Variants in HIVEP3 observed in about 807,000 individuals in gnomAD.
The protein encoded by HIVEP3 is transcription factor HIVEP3.
Under a neutral mutation model 152.8 loss-of-function variants are expected in HIVEP3, and 49 were observed. That is an observed-to-expected ratio of 0.32 (90% CI 0.26 to 0.41). The LOEUF (loss-of-function observed/expected upper bound fraction) is 0.41. Ranked by LOEUF, HIVEP3 falls within the 10% of genes least tolerant of loss-of-function variation. The pLI is 1.00. For missense variants in HIVEP3, 2,790 were observed against 3,103.3 expected (o/e 0.90, Z 2.40); for synonymous variants, 1,269 against 1,289.0 (o/e 0.98, Z 0.33).
At chr1:41,531,220 G>A (rs1038927401) in intron 5 of HIVEP3, among the ~76,000 whole-genome samples, 1 of 150,026 alleles carries the variant, frequency 6.7e-6, no homozygotes, top group Admixed American at 6.6e-5. Context: ...GAGGACAGGA[G>A]AGAAGGGAGA....
chr1:41,659,015 C>G (rs929524142), intron 2 of HIVEP3, among the ~76,000 whole-genome samples: 3 of 152,186 alleles, frequency 2.0e-5, no homozygotes, highest in Non-Finnish European at 4.4e-5. Flanking sequence ...GCCCAGGATG[C>G]ACTGTTGGGC....
At chr1:41,870,546 T>C (rs982124996) in intron 1 of HIVEP3, among the ~76,000 whole-genome samples, 1 of 152,368 alleles carries the variant, frequency 6.6e-6, no homozygotes, top group Non-Finnish European at 1.5e-5. Flanking sequence ...TACAAATGAA[T>C]GAATTAAAGC....
chr1:41,855,613 A>T (rs1643744083), intron 1 of HIVEP3, among the ~76,000 whole-genome samples: 1 of 152,080 alleles, frequency 6.6e-6, no homozygotes, highest in Non-Finnish European at 1.5e-5. Flanking sequence ...GAATTCCCTA[A>T]CTCTTGAAGT....
intron 1 of HIVEP3, among the ~76,000 whole-genome samples, chr1:41,779,482 A>G (rs1424546505): frequency 6.6e-6 from 1 of 152,226 alleles, no homozygotes; most frequent in Non-Finnish European, 1.5e-5. Flanking sequence ...AGGTGACAGA[A>G]GCCCCTTCTT....
At chr1:41,892,058 T>G (rs528241608) in intron 1 of HIVEP3, among the ~76,000 whole-genome samples, 5 of 152,270 alleles carry the variant, frequency 3.3e-5, no homozygotes, top group Non-Finnish European at 5.9e-5. Flanking sequence ...ATAGCTTGCA[T>G]CAAAACAAGA....
At chr1:41,986,317 A>C (rs940833095) in intron 1 of HIVEP3, among the ~76,000 whole-genome samples, 6 of 152,236 alleles carry the variant, frequency 3.9e-5, no homozygotes, top group African/African-American at 9.6e-5. Context: ...TATTTTACCA[A>C]AACATTATCA....
At chr1:41,911,822 C>T (rs1267617049) in intron 1 of HIVEP3, among the ~76,000 whole-genome samples, 2 of 152,120 alleles carry the variant, frequency 1.3e-5, no homozygotes, top group African/African-American at 4.8e-5. Flanking sequence ...GCCCTAGTGC[C>T]AGAGCTGGTA....
chr1:41,655,135 G>A (rs370837692), intron 2 of HIVEP3, among the ~76,000 whole-genome samples: 2 of 152,016 alleles, frequency 1.3e-5, no homozygotes, highest in Admixed American at 6.6e-5. Flanking sequence ...TGACCGAGCC[G>A]ACCCTTCCAG....
intron 1 of HIVEP3, among the ~76,000 whole-genome samples, chr1:41,896,408 T>A (rs1644527804): frequency 1.3e-5 from 2 of 152,124 alleles, no homozygotes. Flanking sequence ...AGACAGAACC[T>A]TTCCTGTCAA....
At chr1:41,784,306 T>C (rs1649220867) in intron 1 of HIVEP3, among the ~76,000 whole-genome samples, 1 of 152,286 alleles carries the variant, frequency 6.6e-6, no homozygotes, top group Admixed American at 6.5e-5. Context: ...AAATCTGTTA[T>C]TAATTTTTTT....
intron 1 of HIVEP3, among the ~76,000 whole-genome samples, chr1:42,011,261 T>C (rs1645490860): frequency 2.0e-5 from 3 of 152,202 alleles, no homozygotes; most frequent in Admixed American, 2.0e-4. Context: ...TTTGACAATG[T>C]AGAGTTTCAG....
intron 1 of HIVEP3, among the ~76,000 whole-genome samples, chr1:41,759,166 C>A (rs1032164006): frequency 2.1e-5 from 3 of 146,340 alleles, no homozygotes; most frequent in African/African-American, 5.0e-5. Flanking sequence ...AAAGTAATTG[C>A]GGTTTTTGCC....
At chr1:41,996,878 G>A (rs912248619) in intron 1 of HIVEP3, among the ~76,000 whole-genome samples, 1 of 152,064 alleles carries the variant, frequency 6.6e-6, no homozygotes, top group Non-Finnish European at 1.5e-5. Flanking sequence ...TGCATTCCTC[G>A]GCCCATGGCC....
chr1:41,631,860 C>G (rs1202281869), intron 2 of HIVEP3, among the ~76,000 whole-genome samples: 2 of 152,188 alleles, frequency 1.3e-5, no homozygotes, highest in Non-Finnish European at 2.9e-5. Context: ...TAGAAACACT[C>G]ACTTCTCAGA....
At chr1:41,670,284 GCAAA>G (rs1318316007) in intron 2 of HIVEP3, among the ~76,000 whole-genome samples, 2 of 152,168 alleles carry the variant, frequency 1.3e-5, no homozygotes, top group African/African-American at 2.4e-5. Context: ...TAATAGATGA[GCAAA>G]CAGAGGCCCA....
intron 1 of HIVEP3, among the ~76,000 whole-genome samples, chr1:41,781,157 C>T (rs1396573248): frequency 2.0e-5 from 3 of 152,182 alleles, no homozygotes; most frequent in Non-Finnish European, 4.4e-5. Context: ...GTGGATTGAG[C>T]ACCTCTTTGA....
intron 2 of HIVEP3, among the ~76,000 whole-genome samples, chr1:41,656,798 T>C (rs1645635350): frequency 6.6e-6 from 1 of 152,094 alleles, no homozygotes; most frequent in Admixed American, 6.5e-5. Flanking sequence ...AATTACACAG[T>C]GAGAAAAGGG....
At chr1:41,787,009 T>C (rs1649389834) in intron 1 of HIVEP3, among the ~76,000 whole-genome samples, 1 of 151,962 alleles carries the variant, frequency 6.6e-6, no homozygotes, top group Non-Finnish European at 1.5e-5. Context: ...ACCTCAGCCT[T>C]CCAAAGTGCT....
At chr1:41,820,801 T>C (rs1004931450) in intron 1 of HIVEP3, among the ~76,000 whole-genome samples, 12 of 152,246 alleles carry the variant, frequency 7.9e-5, no homozygotes, top group African/African-American at 2.7e-4. Context: ...TGTATTTTGC[T>C]CACGGCTAAA....
Sources: allele counts gnomAD v4.1 joint callset (sites outside exome capture counted in the v4.1 genomes callset), GRCh38; gene constraint gnomAD v4.1.1; transcripts MANE v1.5; gene names NCBI Gene and HGNC (gene_info 2026-07-23, HGNC 2026-07-21).